PHLDB2: variants seen among roughly 807,000 people sequenced by gnomAD.
PHLDB2 encodes the protein pleckstrin homology-like domain family B member 2.
Under a neutral mutation model 123.6 loss-of-function variants are expected in PHLDB2, and 71 were observed. That is an observed-to-expected ratio of 0.57 (90% CI 0.47 to 0.70). The LOEUF (loss-of-function observed/expected upper bound fraction) is 0.70. PHLDB2 is among the 30% of genes least tolerant of loss of function. The pLI is 0.00. For synonymous variants in PHLDB2, 547 were observed against 541.6 expected, an observed-to-expected ratio of 1.01 and a Z score of -0.14; for missense variants, 1,446 against 1,519.5, an observed-to-expected ratio of 0.95 and a Z score of 0.80.
intron 2 of PHLDB2, among the ~76,000 whole-genome samples, chr3:111,901,611 G>A (rs148255063): frequency 1.3e-5 from 2 of 152,200 alleles, no homozygotes; most frequent in East Asian, 3.9e-4. Flanking sequence ...TTGAACTAAA[G>A]TATTTTAATG....
chr3:111,747,556 A>T (rs2107949386), intron 1 of PHLDB2, among the ~76,000 whole-genome samples: 1 of 152,272 alleles, frequency 6.6e-6, no homozygotes, highest in African/African-American at 2.4e-5. Context: ...TTGTTGGCTC[A>T]CCCATAAAGT....
chr3:111,919,330 A>G, intron 4 of PHLDB2, 115 bp downstream of exon 4: 1 of 1,072,822 alleles, frequency 9.3e-7, no homozygotes, highest in Admixed American at 2.1e-5. Flanking sequence ...ACAAGCAAAC[A>G]TTTATTCAGT....
At chr3:111,948,825 C>G (rs2070499622) in intron 9 of PHLDB2, 107 bp from the exon 10 acceptor site, 1 of 982,828 alleles carries the variant, frequency 1.0e-6, no homozygotes, top group African/African-American at 1.6e-5. Flanking sequence ...CCACAGATAT[C>G]TGGCTGTGCC....
At chr3:111,950,498 G>T (rs1310481394) in intron 10 of PHLDB2, among the ~76,000 whole-genome samples, 1 of 152,084 alleles carries the variant, frequency 6.6e-6, no homozygotes, top group African/African-American at 2.4e-5. Flanking sequence ...AGTGCATTTG[G>T]TCCATAAATC....
At chr3:111,751,914 C>T (rs985808272) in intron 1 of PHLDB2, among the ~76,000 whole-genome samples, 2 of 152,132 alleles carry the variant, frequency 1.3e-5, no homozygotes, top group Non-Finnish European at 2.9e-5. Flanking sequence ...AAAGGAGACT[C>T]TGAGCTGCAT....
chr3:111,791,240 C>T (rs1458189312), intron 1 of PHLDB2, among the ~76,000 whole-genome samples: 4 of 152,206 alleles, frequency 2.6e-5, no homozygotes, highest in Non-Finnish European at 4.4e-5. Context: ...ATGTGCAAGA[C>T]TGTGTTCACA....
rs559128956 is a variant in PHLDB2 at position 111,886,261 on chromosome 3, T to C, written c.1335+849T>C. Among the ~76,000 whole-genome samples the C allele has an allele frequency of 9.8e-5, 15 of 152,320 alleles. No individual in the cohort carries two copies. In the South Asian group the frequency reaches 2.9e-3, roughly 29 times the overall value. ...CAACACAGTAGGATTATCAGTGTTT[T>C]AGTCGCTAAAATATTCTAGAATATG... On this transcript the variant is annotated intron_variant, in intron 2 of 17. Coordinates refer to ENST00000431670, the MANE Select transcript of PHLDB2 (RefSeq NM_001134438.2).
At chr3:111,794,013 C>T (rs1174178462) in intron 1 of PHLDB2, among the ~76,000 whole-genome samples, 5 of 151,860 alleles carry the variant, frequency 3.3e-5, no homozygotes, top group Admixed American at 2.6e-4. Context: ...GTCATCCCAG[C>T]TGGTGTCTCA....
At chr3:111,949,136 G>A (rs1289087552) in intron 10 of PHLDB2, 61 bp downstream of exon 10, 9 of 1,581,326 alleles carry the variant, frequency 5.7e-6, no homozygotes, top group East Asian at 2.2e-5. Context: ...ATTAACCCAC[G>A]GCCAACTGAA....
chr3:111,970,841 A>T (rs980084705), intron 16 of PHLDB2, among the ~76,000 whole-genome samples: 3 of 152,226 alleles, frequency 2.0e-5, no homozygotes, highest in Non-Finnish European at 4.4e-5. Context: ...GTATCGATGC[A>T]ATAAAATATA....
chr3:111,827,685 CAAAAAAAAAA>C (rs565813163), intron 1 of PHLDB2, among the ~76,000 whole-genome samples: 4 of 73,172 alleles, frequency 5.5e-5, no homozygotes, highest in Non-Finnish European at 6.1e-5. Context: ...GAATCCGTCT[CAAAAAAAAAA>C]AAAAAAAAAA....
chr3:111,925,660 A>G (rs2068770969), intron 5 of PHLDB2, among the ~76,000 whole-genome samples: 1 of 152,200 alleles, frequency 6.6e-6, no homozygotes, highest in African/African-American at 2.4e-5. Flanking sequence ...CAGAGTAGGG[A>G]AACCGCTAGC....
intron 1 of PHLDB2, among the ~76,000 whole-genome samples, chr3:111,741,301 G>A (rs780919378): frequency 1.3e-5 from 2 of 152,162 alleles, no homozygotes; most frequent in African/African-American, 2.4e-5. Context: ...GTCTCACAGT[G>A]AAAAAGGGAA....
At chr3:111,959,663 TTAGTTTAC>T (rs2071273182) in intron 12 of PHLDB2, among the ~76,000 whole-genome samples, 1 of 152,242 alleles carries the variant, frequency 6.6e-6, no homozygotes, top group African/African-American at 2.4e-5. Flanking sequence ...CTGAGTCATT[TTAGTTTAC>T]TATCTCCTTC....
intron 7 of PHLDB2, 74 bp from the exon 8 acceptor site, chr3:111,940,461 C>T (rs539053751): frequency 6.9e-5 from 56 of 807,896 alleles, no homozygotes; most frequent in Non-Finnish European, 1.0e-4. Context: ...TTTTTTTCTC[C>T]CTTTTCTAGG....
chr3:111,941,470 AAT>A (rs2069879655), intron 8 of PHLDB2, among the ~76,000 whole-genome samples: 1 of 152,192 alleles, frequency 6.6e-6, no homozygotes, highest in African/African-American at 2.4e-5. Flanking sequence ...TCCCACCTAA[AAT>A]AAATGAGTAT....
At chr3:111,821,336 A>G (rs2062368454) in intron 1 of PHLDB2, among the ~76,000 whole-genome samples, 3 of 152,190 alleles carry the variant, frequency 2.0e-5, no homozygotes, top group Non-Finnish European at 1.5e-5. Flanking sequence ...TTCCCCAGAG[A>G]AACACAACCA....
At chr3:111,800,675 T>C (rs1346177723) in intron 1 of PHLDB2, among the ~76,000 whole-genome samples, 1 of 152,228 alleles carries the variant, frequency 6.6e-6, no homozygotes, top group Non-Finnish European at 1.5e-5. Flanking sequence ...TAATCCTGCT[T>C]GTTTTAAGAA....
chr3:111,733,391 C>T (rs550875746), intron 1 of PHLDB2, among the ~76,000 whole-genome samples: 1 of 152,316 alleles, frequency 6.6e-6, no homozygotes, highest in South Asian at 2.1e-4. Flanking sequence ...AAGGCATGGG[C>T]AACACAGAAG....
Sources: allele counts gnomAD v4.1 joint callset (sites outside exome capture counted in the v4.1 genomes callset), GRCh38; gene constraint gnomAD v4.1.1; transcripts MANE v1.5; gene names NCBI Gene and HGNC (gene_info 2026-07-23, HGNC 2026-07-21).